VPS13B: variants seen among roughly 807,000 people sequenced by gnomAD.
The protein encoded by VPS13B is vacuolar protein sorting 13 homolog B, also known as intermembrane lipid transfer protein VPS13B.
Under a neutral mutation model 426.4 loss-of-function variants are expected in VPS13B, and 285 were observed. That is an observed-to-expected ratio of 0.67 (90% CI 0.61 to 0.74). VPS13B has a LOEUF of 0.74. VPS13B is among the 30% of genes least tolerant of loss of function. The pLI is 0.00. For synonymous variants in VPS13B, 1,676 were observed against 1,676.4 expected (o/e 1.00, Z 0.01); for missense variants, 4,537 against 4,782.6 (o/e 0.95, Z 1.51).
At chr8:99,691,797 C>A (rs867992358) in intron 35 of VPS13B, among the ~76,000 whole-genome samples, 1 of 142,928 alleles carries the variant, frequency 7.0e-6, no homozygotes, top group Non-Finnish European at 1.5e-5. Context: ...TCAGGAAACC[C>A]ATCTCACATG....
intron 25 of VPS13B, among the ~76,000 whole-genome samples, chr8:99,493,899 A>G (rs1820757425): frequency 6.6e-6 from 1 of 152,056 alleles, no homozygotes; most frequent in African/African-American, 2.4e-5. Flanking sequence ...ACAGAGAAGC[A>G]TCTTGATCCT....
chr8:99,484,551 G>A (rs1037837862), intron 25 of VPS13B, among the ~76,000 whole-genome samples: 1 of 152,100 alleles, frequency 6.6e-6, no homozygotes, highest in African/African-American at 2.4e-5. Context: ...AGGGCAGGAA[G>A]ATTTTTATGA....
rs377523916 is a variant in VPS13B at position 99,384,368 on chromosome 8, A to G, written c.2934+51A>G. On this transcript the variant is annotated intron_variant, in intron 20 of 61. Coordinates refer to ENST00000357162, the MANE Select transcript of VPS13B (RefSeq NM_152564.5). ...CTGTTAACAAATATTTTTCTTATTC[A>G]TTTAGTAGAATTATATATGTCTTTT... The G allele has an allele frequency of 5.7e-6, 8 of 1,391,984 alleles. No individual in the cohort carries two copies. The African/African-American group carries it at 7.2e-5, about 13-fold the overall frequency. The allele number at this position is 1,391,984 out of a possible 1,614,324, so 86.2% of individuals were successfully genotyped here.
At chr8:99,478,974 A>T (rs1444614816) in intron 24 of VPS13B, among the ~76,000 whole-genome samples, 1 of 152,082 alleles carries the variant, frequency 6.6e-6, no homozygotes, top group Non-Finnish European at 1.5e-5. Context: ...TTGATTGGTG[A>T]AATTCCGTTT....
intron 25 of VPS13B, among the ~76,000 whole-genome samples, chr8:99,487,292 A>G (rs1290132923): frequency 6.6e-6 from 1 of 152,174 alleles, no homozygotes; most frequent in African/African-American, 2.4e-5. Context: ...CTGTGGTAGT[A>G]CAAATGGTAA....
chr8:99,391,785 G>T lies in VPS13B; in HGVS notation c.3082+81G>T. 2.6e-6 allele frequency: 4 copies of T among 1,532,744 alleles called. No homozygotes were observed. In the South Asian group the frequency reaches 4.7e-5, roughly 18 times the overall value. 94.9% of individuals were successfully genotyped at this position (1,532,744 alleles called of 1,614,324 possible). ...AGTTAGCATCCACAATTTCATGGAT[G>T]CTGGCCAAAGACATGAGACTCATTG... On this transcript the variant is annotated intron_variant, in intron 21 of 61. Transcript: ENST00000357162.
intron 43 of VPS13B, among the ~76,000 whole-genome samples, chr8:99,793,731 C>A (rs79898840): frequency 0.046 from 6,971 of 152,126 alleles, 173 homozygotes; most frequent in African/African-American, 0.061. Flanking sequence ...GTAATCGTGA[C>A]AACCATTTTG....
chr8:99,575,931 C>A, intron 32 of VPS13B, 147 bp downstream of exon 32: 1 of 784,484 alleles, frequency 1.3e-6, no homozygotes, highest in Non-Finnish European at 2.1e-6. Context: ...ATTTATGGAG[C>A]ACTTTGTAGT....
At chr8:99,813,279 C>T (rs1390461397) in intron 44 of VPS13B, among the ~76,000 whole-genome samples, 1 of 152,084 alleles carries the variant, frequency 6.6e-6, no homozygotes, top group Non-Finnish European at 1.5e-5. Context: ...CTATAAAAAC[C>T]CACCAAGAGG....
At chr8:99,861,544 C>T (rs1031754965) in intron 57 of VPS13B, among the ~76,000 whole-genome samples, 3 of 152,338 alleles carry the variant, frequency 2.0e-5, no homozygotes, top group African/African-American at 7.2e-5. Flanking sequence ...TCAAGCAATC[C>T]TCCTGCGCTG....
intron 17 of VPS13B, among the ~76,000 whole-genome samples, chr8:99,199,791 T>G (rs1303852435): frequency 6.6e-6 from 1 of 152,148 alleles, no homozygotes; most frequent in Non-Finnish European, 1.5e-5. Context: ...CATTCCTACC[T>G]TTTTTTCAGG....
Position 99,740,543 on chromosome 8 carries a change from A to G in VPS13B, c.7050+19496A>G, listed in dbSNP as rs1422348445. ...TTGTCAGATTCACCAAAGTTGAAAC[A>G]ATGGAAAAAATGTTAAGGGCAGCCA... On this transcript the variant is annotated intron_variant, in intron 39 of 61. Transcript: ENST00000357162. Among the ~76,000 whole-genome samples, 6 of 152,304 alleles carry G rather than the reference A, an allele frequency of 3.9e-5. No homozygotes were observed. The East Asian group carries it at 9.6e-4, about 24-fold the overall frequency.
At chr8:99,868,009 A>G (rs948715441) in intron 58 of VPS13B, 13 of 400,910 alleles carry the variant, frequency 3.2e-5, no homozygotes, top group African/African-American at 2.3e-4. Context: ...TATGGATGAC[A>G]CTCTGAATAG....
intron 3 of VPS13B, among the ~76,000 whole-genome samples, chr8:99,085,614 C>A (rs1232649568): frequency 6.6e-6 from 1 of 152,086 alleles, no homozygotes; most frequent in African/African-American, 2.4e-5. Flanking sequence ...ATGTTTAGTG[C>A]TTCCTTCAGG....
At chr8:99,481,554 G>A in intron 24 of VPS13B, 45 bp from the exon 25 acceptor site, 1 of 1,582,466 alleles carries the variant, frequency 6.3e-7, no homozygotes, top group Non-Finnish European at 8.7e-7. Flanking sequence ...ATTGAAACTG[G>A]AAGTTGAAAG....
chr8:99,576,788 C>G (rs746093021), intron 32 of VPS13B, among the ~76,000 whole-genome samples: 11 of 152,152 alleles, frequency 7.2e-5, no homozygotes, highest in Non-Finnish European at 1.5e-4. Context: ...GTTCAAGTGA[C>G]TAGGTTTTGC....
At chr8:99,381,117 C>T (rs1813776531) in intron 19 of VPS13B, among the ~76,000 whole-genome samples, 1 of 152,136 alleles carries the variant, frequency 6.6e-6, no homozygotes, top group Non-Finnish European at 1.5e-5. Flanking sequence ...CATGTGTTCT[C>T]ATCATTTAGC....
At chr8:99,545,945 C>T (rs1392890990) in intron 30 of VPS13B, among the ~76,000 whole-genome samples, 3 of 147,054 alleles carry the variant, frequency 2.0e-5, no homozygotes, top group African/African-American at 5.4e-5. Context: ...ATGATTGATA[C>T]TTTTCCTTAA....
At chr8:99,741,419 A>T (rs187861338) in intron 39 of VPS13B, among the ~76,000 whole-genome samples, 1 of 152,318 alleles carries the variant, frequency 6.6e-6, no homozygotes, top group Admixed American at 6.5e-5. Context: ...GATCAACCAG[A>T]CAGAAAGTTA....
Sources: allele counts gnomAD v4.1 joint callset (sites outside exome capture counted in the v4.1 genomes callset), GRCh38; gene constraint gnomAD v4.1.1; transcripts MANE v1.5; gene names NCBI Gene and HGNC (gene_info 2026-07-23, HGNC 2026-07-21).